CCDC14: variants seen among roughly 807,000 people sequenced by gnomAD.
CCDC14 encodes the protein coiled-coil domain containing 14, also known as coiled-coil domain-containing protein 14.
Under a neutral mutation model 81.4 loss-of-function variants are expected in CCDC14, and 71 were observed. The observed-to-expected ratio is 0.87, with a 90% CI of 0.72 to 1.06. The LOEUF (loss-of-function observed/expected upper bound fraction) is 1.06, where lower values mean the gene tolerates loss of function less well. Among genes scored for constraint, CCDC14 ranks in the 50% least tolerant of loss-of-function variants. The pLI is 0.00. For missense variants in CCDC14, 1,046 were observed against 1,047.3 expected (o/e 1.00, Z 0.02); for synonymous variants, 332 against 364.8 (o/e 0.91, Z 1.03).
At chr3:123,959,667 G>C (rs577979382) in intron 1 of CCDC14, among the ~76,000 whole-genome samples, 4 of 152,148 alleles carry the variant, frequency 2.6e-5, no homozygotes, top group Middle Eastern at 3.4e-3. Flanking sequence ...CCCCTGCTCA[G>C]CCCTGGAGTT....
chr3:123,915,818 G>A (rs1577221468), intron 12 of CCDC14, 100 bp from the exon 13 acceptor site: 1 of 898,270 alleles, frequency 1.1e-6, no homozygotes, highest in Non-Finnish European at 1.6e-6. Context: ...TGAGAGAAGT[G>A]TCTGGTTCTT....
chr3:123,947,053 C>T lies in CCDC14; in HGVS notation c.951G>A (p.Thr317=), dbSNP rs1308784261. 2.0e-5 allele frequency: 32 copies of T among 1,613,784 alleles called. No individual in the cohort carries two copies. Among genetic ancestry groups the T allele is most frequent in the Middle Eastern group, 1.6e-4 (1 of 6,084 alleles). The change falls in exon 8 of 13, where the codon ACG becomes ACA. Residue 317 remains threonine, a synonymous_variant. Coordinates refer to ENST00000409697, the MANE Select transcript of CCDC14 (RefSeq NM_001366335.1). ...TTCGGTGTGTCTGACTGTCCAGATG[C>T]GTTTCTTTTCCATGAGATCGAAAAA... ...LSLFRSHGKE[T]HLDSQTHRSP... is the part of the protein sequence containing the mutation.
chr3:123,960,748 G>C (rs1417953200), intron 1 of CCDC14, among the ~76,000 whole-genome samples: 1 of 152,182 alleles, frequency 6.6e-6, no homozygotes, highest in Non-Finnish European at 1.5e-5. Flanking sequence ...TCAATTCTTT[G>C]AGACAGGATT....
chr3:123,907,169 T>C (rs2034331015), intron 5 of CCDC14, among the ~76,000 whole-genome samples: 1 of 152,238 alleles, frequency 6.6e-6, no homozygotes, highest in Non-Finnish European at 1.5e-5. Flanking sequence ...TTAGTATAGA[T>C]CCTCTGCTGA....
intron 9 of CCDC14, among the ~76,000 whole-genome samples, chr3:123,943,545 T>C (rs962745916): frequency 1.3e-5 from 2 of 152,106 alleles, no homozygotes; most frequent in Non-Finnish European, 2.9e-5. Context: ...AAGAACCCCA[T>C]TTCTGAAGGA....
Position 123,933,761 on chromosome 3 carries a change from G to T in CCDC14, c.1344-6C>A. On this transcript the variant is annotated splice_region_variant and splice_polypyrimidine_tract_variant and intron_variant, in intron 9 of 12. Transcript: ENST00000409697. ...GGTTCAAAATTCTCAACTGCCTAAA[G>T]AAATAATGAAGAACTATGAATGCAA... 1 of 1,553,796 alleles carries T rather than the reference G, an allele frequency of 6.4e-7. No homozygotes were observed.
At chr3:123,930,036 G>A (rs2035606112) in intron 12 of CCDC14, among the ~76,000 whole-genome samples, 1 of 152,144 alleles carries the variant, frequency 6.6e-6, no homozygotes, top group African/African-American at 2.4e-5. Context: ...CCAATATTCA[G>A]AACCTCTGAC....
chr3:123,946,339 G>T (rs1276378295), intron 8 of CCDC14, among the ~76,000 whole-genome samples: 1 of 151,942 alleles, frequency 6.6e-6, no homozygotes, highest in African/African-American at 2.4e-5. Context: ...ACACTGAAAA[G>T]GGCATAAGAA....
chr3:123,894,913 G>T (rs2034036945), downstream of CCDC14, among the ~76,000 whole-genome samples: 1 of 152,172 alleles, frequency 6.6e-6, no homozygotes. Flanking sequence ...GGGCTAGATT[G>T]TACCAGTTCC....
chr3:123,958,744 T>C (rs1287141517), intron 1 of CCDC14: 1 of 152,098 alleles, frequency 6.6e-6, no homozygotes, highest in East Asian at 1.9e-4. Context: ...TCAGACCTTA[T>C]TCACATGTTG....
At chr3:123,918,224 A>G (rs1346739407) in intron 12 of CCDC14, among the ~76,000 whole-genome samples, 1 of 152,162 alleles carries the variant, frequency 6.6e-6, no homozygotes, top group Non-Finnish European at 1.5e-5. Context: ...ACTAAAAACA[A>G]ATTTTTTCCA....
chr3:123,903,355 G>A lies in CCDC14; in HGVS notation c.668-5742C>T, dbSNP rs544528724. On this transcript the variant is annotated intron_variant, in intron 5 of 5. Transcript: ENST00000479903. ...ACACACACACACACGACAAGCCACAGCATCTATTGCTTATTGCTGGTGGTA... is the reference window on the plus strand; with the variant it reads ...ACACACACACACACGACAAGCCACAACATCTATTGCTTATTGCTGGTGGTA... Among the ~76,000 whole-genome samples, 6 of 149,596 alleles carry A rather than the reference G, an allele frequency of 4.0e-5. No homozygotes were observed. In the East Asian group the frequency reaches 1.2e-3, roughly 29 times the overall value.
At chr3:123,904,268 GACC>G (rs1559755045) in intron 5 of CCDC14, among the ~76,000 whole-genome samples, 1 of 151,892 alleles carries the variant, frequency 6.6e-6, no homozygotes, top group African/African-American at 2.4e-5. Context: ...GTGAAACAAC[GACC>G]AGCTATCTCT....
At chr3:123,956,301 G>T in intron 3 of CCDC14, 54 bp downstream of exon 3, 1 of 1,355,074 alleles carries the variant, frequency 7.4e-7, no homozygotes. Context: ...CTACTTTTTA[G>T]CTACTATTTG....
downstream of CCDC14, among the ~76,000 whole-genome samples, chr3:123,892,424 C>A (rs1378245043): frequency 2.7e-5 from 4 of 150,176 alleles, no homozygotes; most frequent in African/African-American, 7.6e-5. Context: ...ACATTTTTCC[C>A]TCCTAGGCCT....
At position 123,914,357 on chromosome 3, in the gene CCDC14, TAAAA is replaced by T; in HGVS notation, c.*418_*421del. On this transcript the variant is annotated 3_prime_UTR_variant, in exon 13 of 13. Coordinates refer to ENST00000409697, the MANE Select transcript of CCDC14 (RefSeq NM_001366335.1). ...ATGTTTAATAAAAACACATTGCTAT[TAAAA>T]AAAAGTATATGTAAACAGAAAAAAA... 2.0e-6 allele frequency: 2 copies of T among 983,738 alleles called. No homozygotes were observed. The highest frequency in any genetic ancestry group is 2.4e-6 in the Non-Finnish European group (2 of 828,866). 60.9% of individuals were successfully genotyped at this position (983,738 alleles called of 1,614,324 possible).
intron 5 of CCDC14, among the ~76,000 whole-genome samples, chr3:123,908,167 C>T (rs769221208): frequency 1.5e-4 from 23 of 152,068 alleles, no homozygotes; most frequent in African/African-American, 9.7e-5. Context: ...GAAAGAGCAA[C>T]CCAAAGCTAA....
In CCDC14 at chr3:123,946,794, C is replaced by G. The variant is rs1349150141; in HGVS notation, c.1201+9G>C. On this transcript the variant is annotated intron_variant, in intron 8 of 12. Transcript: ENST00000409697. ...CACCATACTACAGAAAGTTATAAGT[C>G]CCATCTACCTTGTTCTGCTACCAGG... 1 of 1,606,534 alleles carries G rather than the reference C, an allele frequency of 6.2e-7. No homozygotes were observed. The highest frequency in any genetic ancestry group is 8.5e-7 in the Non-Finnish European group (1 of 1,176,636).
chr3:123,942,631 G>A (rs908687415), intron 9 of CCDC14, among the ~76,000 whole-genome samples: 5 of 136,878 alleles, frequency 3.7e-5, no homozygotes, highest in African/African-American at 1.4e-4. Context: ...ATCCTTGCAG[G>A]TCATATCTTA....
Sources: allele counts gnomAD v4.1 joint callset (sites outside exome capture counted in the v4.1 genomes callset), GRCh38; gene constraint gnomAD v4.1.1; transcripts MANE v1.5; gene names NCBI Gene and HGNC (gene_info 2026-07-23, HGNC 2026-07-21).